The following TOP2B variants were observed in gnomAD, a reference collection of about 807,000 sequenced individuals.
TOP2B encodes the protein DNA topoisomerase II beta, also known as DNA topoisomerase 2-beta.
TOP2B carries 51 observed loss-of-function variants against 193.5 expected under a neutral mutation model. The ratio of observed to expected loss-of-function variants is 0.26; its 90% CI spans 0.21 to 0.33. TOP2B has a LOEUF of 0.33. Ranked by LOEUF, TOP2B falls within the 10% of genes least tolerant of loss-of-function variation. The pLI is 1.00. For missense variants in TOP2B, 1,378 were observed against 1,909.3 expected (o/e 0.72, Z 5.19); for synonymous variants, 634 against 635.7 (o/e 1.00, Z 0.04).
At position 25,618,688 on chromosome 3, in the gene TOP2B, G is replaced by C. The variant is rs61756345; in HGVS notation, c.3225C>G (p.Phe1075Leu). 9 of 1,612,152 alleles carry C rather than the reference G, an allele frequency of 5.6e-6. No individual in the cohort carries two copies. Among genetic ancestry groups the C allele is most frequent in the Non-Finnish European group, 4.2e-6 (5 of 1,179,310 alleles). The change falls in exon 24 of 36, where the codon TTC becomes TTG. Residue 1075 changes from phenylalanine to leucine, a missense_variant. Phe to Leu is a conservative substitution (Grantham distance 22, BLOSUM62 0). This residue lies in a region of TOP2B where 379 missense variants were observed against 615.1 expected (regional missense o/e 0.62). Transcript: ENST00000264331. Reference protein sequence around the residue: ...ESTKLNNQARFILEKIQGKIT... With the variant: ...ESTKLNNQARLILEKIQGKIT... ...TTTTCCCTTGTATCTTCTCTAAAAT[G>C]AAACGGGCTTGATTGTTAAGCTTTG...
chr3:25,651,345 T>C (rs1559509149), intron 1 of TOP2B, among the ~76,000 whole-genome samples: 2 of 151,960 alleles, frequency 1.3e-5, no homozygotes, highest in African/African-American at 4.8e-5. Flanking sequence ...AATTTATTTT[T>C]ATCACCTGAA....
In TOP2B at chr3:25,623,132, T is replaced by C. The variant is rs139977884; in HGVS notation, c.2727+383A>G. ...AGTTTGTTTTCTGTCTTTTTACAAA[T>C]GGTACACTAATGAATACAATGTGTT... On this transcript the variant is annotated intron_variant, in intron 21 of 35. Transcript: ENST00000264331. Among the ~76,000 whole-genome samples, 811 of 152,334 alleles carry C rather than the reference T, an allele frequency of 5.3e-3. 10 individuals are homozygous for C. The highest frequency in any genetic ancestry group is 0.018 in the African/African-American group (736 of 41,582).
chr3:25,641,848 AC>A (rs1703273282), intron 4 of TOP2B, among the ~76,000 whole-genome samples: 1 of 152,200 alleles, frequency 6.6e-6, no homozygotes, highest in Admixed American at 6.5e-5. Context: ...TATTTTTTAT[AC>A]ATCTTCATTC....
intron 28 of TOP2B, among the ~76,000 whole-genome samples, chr3:25,611,088 T>C (rs1702357327): frequency 1.3e-5 from 2 of 152,186 alleles, no homozygotes; most frequent in Non-Finnish European, 2.9e-5. Context: ...GCTTCAAGCA[T>C]TCAAGTGGCT....
rs1702741269 is a variant in TOP2B at position 25,624,441 on chromosome 3, G to C, written c.2351C>G (p.Ala784Gly). 10 of 1,613,604 alleles carry C rather than the reference G, an allele frequency of 6.2e-6. No individual in the cohort carries two copies. The highest frequency in any genetic ancestry group is 5.1e-6 in the Non-Finnish European group (6 of 1,179,726). The change falls in exon 20 of 36, where the codon GCA (alanine) becomes GGA (glycine). Residue 784 changes from alanine to glycine, a missense_variant. Transcript: ENST00000264331. ...EMSAYHHGEQ[A>G]LMMTIVNLAQ... is the part of the protein sequence containing the mutation. ...CAAATTCACAATAGTCATCATCAAT[G>C]CTTGCTATACAACAGAAGAAGGCAG...
At chr3:25,627,323 G>C in intron 15 of TOP2B, 27 bp from the exon 16 acceptor site, 1 of 1,421,520 alleles carries the variant, frequency 7.0e-7, no homozygotes, top group Non-Finnish European at 9.6e-7. Flanking sequence ...ATAAAAGTGA[G>C]TCATGAATAT....
intron 1 of TOP2B, among the ~76,000 whole-genome samples, chr3:25,650,263 A>G (rs1559508768): frequency 6.6e-6 from 1 of 152,236 alleles, no homozygotes; most frequent in Non-Finnish European, 1.5e-5. Context: ...AAACACTCTT[A>G]TAATAAGCAG....
At chr3:25,631,188 C>G (rs1260978677) in intron 10 of TOP2B, among the ~76,000 whole-genome samples, 1 of 151,984 alleles carries the variant, frequency 6.6e-6, no homozygotes, top group African/African-American at 2.4e-5. Context: ...TTATAATAAA[C>G]TCCATGAGGA....
At chr3:25,646,337 T>G (rs1347941648) in intron 1 of TOP2B, among the ~76,000 whole-genome samples, 3 of 152,156 alleles carry the variant, frequency 2.0e-5, no homozygotes, top group Non-Finnish European at 4.4e-5. Context: ...TGCCAATAAT[T>G]CCTCACATAT....
chr3:25,620,645 T>C (rs200558865), intron 22 of TOP2B, 37 bp downstream of exon 22: 1 of 1,592,278 alleles, frequency 6.3e-7, no homozygotes, highest in Non-Finnish European at 8.6e-7. Context: ...CTTAATACAC[T>C]GCCCTTCCCT....
intron 27 of TOP2B, among the ~76,000 whole-genome samples, chr3:25,613,126 A>G (rs1702419257): frequency 6.6e-6 from 1 of 152,228 alleles, no homozygotes; most frequent in Admixed American, 6.5e-5. Flanking sequence ...AAATATGAAA[A>G]AAAACCTCCT....
rs955533245 is a variant in TOP2B, at chr3:25,623,821, C to T, written c.2496-75G>A. Reference sequence around the variant, plus strand: ...AGAAAACTTTATACATAATTAAAAACTTCACACTGCAAAAACAAATCTTTT... The same window carrying T: ...AGAAAACTTTATACATAATTAAAAATTTCACACTGCAAAAACAAATCTTTT... On this transcript the variant is annotated intron_variant, in intron 20 of 35. Coordinates refer to ENST00000264331, the MANE Select transcript of TOP2B (RefSeq NM_001330700.2). 5.8e-6 allele frequency: 5 copies of T among 867,148 alleles called. No individual in the cohort carries two copies. In the African/African-American group the frequency reaches 8.6e-5, roughly 15 times the overall value. 53.7% of individuals were successfully genotyped at this position (867,148 alleles called of 1,614,324 possible).
chr3:25,607,954 T>A (rs571632531), intron 30 of TOP2B, among the ~76,000 whole-genome samples: 74 of 152,164 alleles, frequency 4.9e-4, no homozygotes, highest in Admixed American at 5.2e-4. Context: ...TGATTTTTTT[T>A]AAAAAATTGT....
intron 35 of TOP2B, 21 bp downstream of exon 35, chr3:25,599,414 T>G (rs1275986463): frequency 6.2e-7 from 1 of 1,609,072 alleles, no homozygotes; most frequent in Admixed American, 1.7e-5. Context: ...TGCACTAATA[T>G]GCAATGATGT....
Position 25,623,668 on chromosome 3 carries a change from C to T in TOP2B, c.2574G>A (p.Glu858=). ...GAATTATAGGAATATACCACTCAGG[C>T]TCTACACGTTGATTATCATCATAAA... ...KFLYDDNQRV[E]PEWYIPIIPM... is the part of the protein sequence containing the mutation. Residue 858 remains glutamate, a synonymous_variant, in exon 21 of 36, where the codon GAG becomes GAA. Coordinates refer to ENST00000264331, the MANE Select transcript of TOP2B (RefSeq NM_001330700.2). 1 of 1,613,102 alleles carries T rather than the reference C, an allele frequency of 6.2e-7. No homozygotes were observed. The highest frequency in any genetic ancestry group is 8.5e-7 in the Non-Finnish European group (1 of 1,179,556).
intron 27 of TOP2B, 32 bp from the exon 28 acceptor site, chr3:25,612,741 A>C: frequency 6.5e-7 from 1 of 1,542,818 alleles, no homozygotes; most frequent in Non-Finnish European, 8.9e-7. Context: ...GAAGGAACAT[A>C]AACAACTTCT....
intron 28 of TOP2B, 89 bp from the exon 29 acceptor site, chr3:25,609,801 A>C: frequency 7.8e-7 from 1 of 1,284,704 alleles, no homozygotes; most frequent in Non-Finnish European, 1.0e-6. Flanking sequence ...TAGCGCCTTC[A>C]AATCAGGTAA....
chr3:25,640,759 T>TC (rs1703235703), intron 4 of TOP2B, among the ~76,000 whole-genome samples: 1 of 139,260 alleles, frequency 7.2e-6, no homozygotes, highest in East Asian at 2.0e-4. Context: ...TGTCTTTTTT[T>TC]TTTTTTTTTT....
At position 25,632,751 on chromosome 3, in the gene TOP2B, T is replaced by A; in HGVS notation, c.1070A>T (p.Lys357Ile). 6.2e-7 allele frequency: 1 copy of A among 1,613,326 alleles called. No individual in the cohort carries two copies. Among genetic ancestry groups the A allele is most frequent in the African/African-American group, 1.3e-5 (1 of 74,972 alleles). The change falls in exon 9 of 36, where the codon AAA becomes ATA. Residue 357 changes from lysine (K) to isoleucine (I), a missense_variant. Lys to Ile is a moderately radical substitution (Grantham distance 102, BLOSUM62 -3). Around this residue, in one of 9 missense-constraint regions of TOP2B, gnomAD observed 222 missense variants for 306.6 expected, o/e 0.72. Coordinates refer to ENST00000264331, the MANE Select transcript of TOP2B (RefSeq NM_001330700.2). ...CTTTTTCTTAACTACTTCAATCAGT[T>A]TACCAACAACTTGATCTACCACATA... ...VDYVVDQVVGKLIEVVKKKNK... is the reference protein window; with the variant it reads ...VDYVVDQVVGILIEVVKKKNK...
Sources: gnomAD v4.1 joint callset for allele counts (sites outside exome capture counted in the v4.1 genomes callset) on GRCh38, gnomAD v4.1.1 for gene constraint, gnomAD v4.1.1 regional missense constraint, MANE v1.5 for transcripts, NCBI Gene and HGNC (gene_info 2026-07-23, HGNC 2026-07-21) for gene names.